ARPP21: variants seen among roughly 807,000 people sequenced by gnomAD.
ARPP21 encodes the protein cAMP regulated phosphoprotein 21, also known as cAMP-regulated phosphoprotein 21.
A neutral mutation model predicts 113.2 loss-of-function variants in ARPP21; 69 were observed. That is an observed-to-expected ratio of 0.61 (90% confidence interval 0.50 to 0.74). The LOEUF is 0.74. Among genes scored for constraint, ARPP21 ranks in the 30% least tolerant of loss-of-function variants. The probability of loss-of-function intolerance (pLI) is 0.00; values close to 1 mark genes in which losing one functional copy is unlikely to be tolerated. For missense variants in ARPP21, 1,070 were observed against 1,037.4 expected (o/e 1.03, Z -0.43); for synonymous variants, 368 against 375.5 (o/e 0.98, Z 0.23).
chr3:35,681,779 G>T lies in ARPP21; in HGVS notation c.28G>T (p.Ala10Ser), dbSNP rs1238184738. MSEQGDLNQ[A>S]IAEEGGTEQE... ...GTCTGAGCAAGGAGACCTGAATCAGGCAATAGCAGAGGAAGGAGGGACTGA... is the reference window on the plus strand; with the variant it reads ...GTCTGAGCAAGGAGACCTGAATCAGTCAATAGCAGAGGAAGGAGGGACTGA... Residue 10 changes from alanine to serine, a missense_variant, in exon 3 of 21, where the codon GCA becomes TCA. Coordinates refer to ENST00000684406, the MANE Select transcript of ARPP21 (RefSeq NM_001385562.1). 4 of 1,611,408 alleles carry T rather than the reference G, an allele frequency of 2.5e-6. No homozygotes were observed. In the South Asian group the frequency reaches 3.3e-5, roughly 13 times the overall value.
intron 19 of ARPP21, among the ~76,000 whole-genome samples, chr3:35,763,930 A>G (rs556027993): frequency 2.0e-4 from 31 of 152,198 alleles, no homozygotes; most frequent in African/African-American, 7.0e-4. Flanking sequence ...TTGGGAGGCC[A>G]AGGTGGGAGG....
intron 7 of ARPP21, among the ~76,000 whole-genome samples, chr3:35,689,617 G>T (rs1174815007): frequency 6.6e-6 from 1 of 151,406 alleles, no homozygotes; most frequent in African/African-American, 2.4e-5. Flanking sequence ...TAACAGTTCT[G>T]CTTTTCAGAT....
chr3:35,678,573 A>G (rs962038), intron 1 of ARPP21, among the ~76,000 whole-genome samples: 43,699 of 151,846 alleles, frequency 0.29, 6,986 homozygotes, highest in East Asian at 0.48. Context: ...GAAGAAACAT[A>G]GTTTAAAGTC....
intron 1 of ARPP21, among the ~76,000 whole-genome samples, chr3:35,656,042 A>G (rs1166724189): frequency 6.6e-6 from 1 of 152,124 alleles, no homozygotes; most frequent in Non-Finnish European, 1.5e-5. Flanking sequence ...AATATTATAA[A>G]ATTTCAAAAC....
intron 1 of ARPP21, among the ~76,000 whole-genome samples, chr3:35,644,595 A>G (rs1575362552): frequency 6.6e-6 from 1 of 151,974 alleles, no homozygotes; most frequent in South Asian, 2.1e-4. Flanking sequence ...TTACCGAGAC[A>G]TATCTGTGCT....
In ARPP21 at chr3:35,685,395, G is replaced by A. The variant is rs1310726756; in HGVS notation, c.261+1580G>A. The A allele has an allele frequency of 4.1e-6, 4 of 985,144 alleles. No individual in the cohort carries two copies. The Admixed American group carries it at 2.5e-4, about 61-fold the overall frequency. 61.0% of individuals were successfully genotyped at this position (985,144 alleles called of 1,614,324 possible). ...GGCTGAGGAGTGGTGGGAGCAGGGGGTTGATAGAAAACATCCAGACACACA... is the reference window on the plus strand; with the variant it reads ...GGCTGAGGAGTGGTGGGAGCAGGGGATTGATAGAAAACATCCAGACACACA... On this transcript the variant is annotated intron_variant, in intron 5 of 20. Coordinates refer to ENST00000684406, the MANE Select transcript of ARPP21 (RefSeq NM_001385562.1).
intron 19 of ARPP21, among the ~76,000 whole-genome samples, chr3:35,787,051 G>GA (rs1032205846): frequency 6.6e-6 from 1 of 152,024 alleles, no homozygotes; most frequent in Non-Finnish European, 1.5e-5. Context: ...AGTGAGACAG[G>GA]AAAAAAATCC....
chr3:35,663,664 C>G (rs1240255444), intron 1 of ARPP21, among the ~76,000 whole-genome samples: 1 of 152,112 alleles, frequency 6.6e-6, no homozygotes, highest in East Asian at 1.9e-4. Context: ...AGGAACATCT[C>G]TTAATAGCAC....
At chr3:35,752,744 G>A (rs1426073796) in intron 19 of ARPP21, among the ~76,000 whole-genome samples, 1 of 152,052 alleles carries the variant, frequency 6.6e-6, no homozygotes, top group African/African-American at 2.4e-5. Context: ...TGAAAGCAAT[G>A]TAATAAATAG....
chr3:35,749,321 G>C (rs1037671120), intron 19 of ARPP21, among the ~76,000 whole-genome samples: 2 of 149,178 alleles, frequency 1.3e-5, no homozygotes, highest in African/African-American at 5.0e-5. Context: ...AAACAAAAAA[G>C]AGTTCCTTTT....
intron 9 of ARPP21, among the ~76,000 whole-genome samples, chr3:35,701,891 AC>A (rs1174788714): frequency 6.6e-6 from 1 of 151,554 alleles, no homozygotes; most frequent in Non-Finnish European, 1.5e-5. Flanking sequence ...ATATCTAAAT[AC>A]CTATTTTAGG....
chr3:35,653,373 G>A (rs1396792360), intron 1 of ARPP21, among the ~76,000 whole-genome samples: 1 of 151,968 alleles, frequency 6.6e-6, no homozygotes, highest in African/African-American at 2.4e-5. Context: ...TCTCATCTGG[G>A]TATCATCTAA....
At chr3:35,717,426 A>G in intron 13 of ARPP21, 69 bp downstream of exon 13, 1 of 937,442 alleles carries the variant, frequency 1.1e-6, no homozygotes, top group Non-Finnish European at 1.8e-6. Flanking sequence ...GTTAAATATT[A>G]GTGTACTCGT....
At chr3:35,777,125 G>A (rs1266708997) in intron 19 of ARPP21, among the ~76,000 whole-genome samples, 1 of 152,152 alleles carries the variant, frequency 6.6e-6, no homozygotes, top group Non-Finnish European at 1.5e-5. Context: ...TAGTGTGTGT[G>A]TGCCTTTGTT....
intron 16 of ARPP21, among the ~76,000 whole-genome samples, chr3:35,737,829 C>G (rs569255067): frequency 3.3e-4 from 51 of 152,284 alleles, no homozygotes; most frequent in African/African-American, 1.1e-3. Flanking sequence ...TAGAGAGATG[C>G]GGAGCTGCCC....
intron 9 of ARPP21, among the ~76,000 whole-genome samples, chr3:35,696,445 C>A (rs902500378): frequency 2.6e-5 from 4 of 151,486 alleles, no homozygotes; most frequent in African/African-American, 7.3e-5. Context: ...TCCAACTACA[C>A]TTTTTGGTCT....
At chr3:35,785,174 G>T (rs929003084) in intron 19 of ARPP21, 1 of 152,148 alleles carries the variant, frequency 6.6e-6, no homozygotes, top group African/African-American at 2.4e-5. Flanking sequence ...GTAGTTTGCT[G>T]CCTCCCAGCC....
At chr3:35,673,274 AC>A (rs1281520495) in intron 1 of ARPP21, among the ~76,000 whole-genome samples, 1 of 151,886 alleles carries the variant, frequency 6.6e-6, no homozygotes, top group African/African-American at 2.4e-5. Context: ...AGTGGAGTAC[AC>A]CTCCTGTGAC....
chr3:35,770,732 A>G (rs1370966294), intron 19 of ARPP21, among the ~76,000 whole-genome samples: 1 of 152,200 alleles, frequency 6.6e-6, no homozygotes, highest in Non-Finnish European at 1.5e-5. Context: ...TAAATTGTAA[A>G]CAGTAGCCTG....
Sources: gnomAD v4.1 joint callset for allele counts (sites outside exome capture counted in the v4.1 genomes callset) on GRCh38, gnomAD v4.1.1 for gene constraint, MANE v1.5 for transcripts, NCBI Gene and HGNC (gene_info 2026-07-23, HGNC 2026-07-21) for gene names.